RAD51B: variants seen among roughly 807,000 people sequenced by gnomAD.
The protein encoded by RAD51B is RAD51 paralog B.
Under a neutral mutation model 42.2 loss-of-function variants are expected in RAD51B, and 38 were observed. That is an observed-to-expected ratio of 0.90 (90% confidence interval 0.70 to 1.18). RAD51B has a LOEUF of 1.18. Ranked by LOEUF, RAD51B falls within the 50% of genes most tolerant of loss-of-function variation. RAD51B has a pLI of 0.00. For synonymous variants in RAD51B, 154 were observed against 145.2 expected, an observed-to-expected ratio of 1.06 and a Z score of -0.43; for missense variants, 373 against 400.7, an observed-to-expected ratio of 0.93 and a Z score of 0.59.
At chr14:68,470,444 T>G in intron 10 of RAD51B, 1 of 466,514 alleles carries the variant, frequency 2.1e-6, no homozygotes, top group South Asian at 1.6e-5. Flanking sequence ...AGGCCCCTCA[T>G]TTACTAGAAA....
intron 7 of RAD51B, among the ~76,000 whole-genome samples, chr14:68,290,157 T>C (rs900168543): frequency 2.0e-5 from 3 of 152,220 alleles, no homozygotes; most frequent in Non-Finnish European, 4.4e-5. Context: ...GCAACTTCCA[T>C]TTCTGTTCAA....
At chr14:68,385,695 C>G (rs1279466063) in intron 8 of RAD51B, among the ~76,000 whole-genome samples, 1 of 152,132 alleles carries the variant, frequency 6.6e-6, no homozygotes, top group Non-Finnish European at 1.5e-5. Flanking sequence ...TTGTTCCTAT[C>G]AATTTATTTT....
intron 8 of RAD51B, among the ~76,000 whole-genome samples, chr14:68,367,063 C>G (rs535186631): frequency 1.3e-5 from 2 of 152,312 alleles, no homozygotes; most frequent in Non-Finnish European, 2.9e-5. Flanking sequence ...TAGGACATAA[C>G]AGATTTTTTT....
chr14:68,065,394 C>T (rs2076634083), intron 7 of RAD51B, among the ~76,000 whole-genome samples: 1 of 152,074 alleles, frequency 6.6e-6, no homozygotes, highest in Admixed American at 6.6e-5. Flanking sequence ...GGTGCTACTC[C>T]CCTGGGGCCA....
chr14:67,973,217 T>C (rs894953096), intron 7 of RAD51B, among the ~76,000 whole-genome samples: 3 of 152,164 alleles, frequency 2.0e-5, no homozygotes, highest in African/African-American at 7.2e-5. Flanking sequence ...TAAGTGAGCT[T>C]GAATTCAACC....
At chr14:68,456,869 A>ATTT (rs71129889) in intron 9 of RAD51B, among the ~76,000 whole-genome samples, 7 of 66,454 alleles carry the variant, frequency 1.1e-4, no homozygotes, top group Admixed American at 2.2e-4. Context: ...CAATGGAATG[A>ATTT]TTTTTTTTTT....
At chr14:67,924,921 C>T (rs1045441479) in intron 7 of RAD51B, among the ~76,000 whole-genome samples, 3 of 152,216 alleles carry the variant, frequency 2.0e-5, no homozygotes, top group Non-Finnish European at 2.9e-5. Context: ...CGCCTGTGAG[C>T]CTGTAAAATC....
chr14:68,199,827 T>A (rs1438339054), intron 7 of RAD51B, among the ~76,000 whole-genome samples: 3 of 152,188 alleles, frequency 2.0e-5, no homozygotes, highest in Non-Finnish European at 2.9e-5. Context: ...AAACCTTTGC[T>A]GCATGGTGAT....
intron 9 of RAD51B, among the ~76,000 whole-genome samples, chr14:68,425,944 C>CTTTCTTTCTTTCTT (rs1438494317): frequency 2.3e-3 from 190 of 81,606 alleles, no homozygotes; most frequent in African/African-American, 8.3e-3. Flanking sequence ...CTTTTTCTTT[C>CTTTCTTTCTTTCTT]TTTCTTTCTT....
intron 7 of RAD51B, among the ~76,000 whole-genome samples, chr14:67,889,873 A>T (rs561689542): frequency 6.6e-6 from 1 of 152,310 alleles, no homozygotes; most frequent in South Asian, 2.1e-4. Flanking sequence ...AATTTTATAG[A>T]CCTTTGAGTA....
intron 7 of RAD51B, among the ~76,000 whole-genome samples, chr14:68,151,571 C>A (rs1337719422): frequency 6.6e-6 from 1 of 151,994 alleles, no homozygotes; most frequent in Non-Finnish European, 1.5e-5. Context: ...TGTCCCACAG[C>A]TCACTAATGT....
intron 10 of RAD51B, among the ~76,000 whole-genome samples, chr14:68,625,540 A>G (rs1892058433): frequency 6.6e-6 from 1 of 152,084 alleles, no homozygotes; most frequent in Non-Finnish European, 1.5e-5. Context: ...TGGTGCAAAC[A>G]TAGCTCACTG....
intron 3 of RAD51B, among the ~76,000 whole-genome samples, chr14:67,831,402 T>C (rs1384599709): frequency 6.6e-6 from 1 of 152,044 alleles, no homozygotes; most frequent in Non-Finnish European, 1.5e-5. Flanking sequence ...CAGTTACAGG[T>C]CAGATTAGAT....
intron 7 of RAD51B, chr14:68,149,523 C>T (rs1035962559): frequency 2.6e-5 from 4 of 152,152 alleles, no homozygotes; most frequent in Non-Finnish European, 5.9e-5. Context: ...TTTCTGGGCT[C>T]TATTTTGTTC....
chr14:67,987,973 C>T (rs550110421), intron 7 of RAD51B, among the ~76,000 whole-genome samples: 1 of 152,240 alleles, frequency 6.6e-6, no homozygotes, highest in African/African-American at 2.4e-5. Context: ...TTTTGAATTG[C>T]TCAGGTAGTG....
chr14:68,373,347 A>T (rs555960177), intron 8 of RAD51B, among the ~76,000 whole-genome samples: 1 of 152,208 alleles, frequency 6.6e-6, no homozygotes, highest in African/African-American at 2.4e-5. Context: ...ATATCTAGGA[A>T]GTGGGAGAGT....
At chr14:68,155,570 G>A (rs1417440931) in intron 7 of RAD51B, among the ~76,000 whole-genome samples, 2 of 151,922 alleles carry the variant, frequency 1.3e-5, no homozygotes, top group Non-Finnish European at 2.9e-5. Context: ...GCTTCACTGG[G>A]GAACCAAGTG....
At chr14:68,288,299 G>A (rs1187535885) in intron 7 of RAD51B, among the ~76,000 whole-genome samples, 1 of 152,184 alleles carries the variant, frequency 6.6e-6, no homozygotes, top group Non-Finnish European at 1.5e-5. Context: ...AACAGATTTA[G>A]AAAACCACAA....
rs75565861 is a variant in RAD51B at position 68,541,897 on chromosome 14, T to C, written c.1037-52588T>C. The C allele has an allele frequency of 1.6e-4, 150 of 931,610 alleles. No homozygotes were observed. In the East Asian group the frequency reaches 0.015, roughly 90 times the overall value. 57.7% of individuals were successfully genotyped at this position (931,610 alleles called of 1,614,324 possible). ...CCTCTTTTATTGAGATCCCCATTGG[T>C]CCTCTATTTTGTATAGAAGTGGTTC... On this transcript the variant is annotated intron_variant, in intron 10 of 10. Transcript: ENST00000487270.
Sources: allele counts gnomAD v4.1 joint callset (sites outside exome capture counted in the v4.1 genomes callset), GRCh38; gene constraint gnomAD v4.1.1; transcripts MANE v1.5; gene names NCBI Gene and HGNC (gene_info 2026-07-23, HGNC 2026-07-21).